DCK: variants seen among roughly 807,000 people sequenced by gnomAD.
DCK encodes the protein deoxyadenosine kinase.
A neutral mutation model predicts 38.3 loss-of-function variants in DCK; 23 were observed. The observed-to-expected ratio is 0.60, with a 90% CI of 0.43 to 0.85. DCK has a LOEUF of 0.85. Among genes scored for constraint, DCK ranks in the 40% least tolerant of loss-of-function variants. DCK has a pLI of 0.00. For missense variants in DCK, 259 were observed against 304.4 expected (o/e 0.85, Z 1.11); for synonymous variants, 108 against 100.6 (o/e 1.07, Z -0.44).
intron 2 of DCK, among the ~76,000 whole-genome samples, chr4:71,004,654 T>G (rs1177752521): frequency 6.6e-6 from 1 of 152,246 alleles, no homozygotes; most frequent in Non-Finnish European, 1.5e-5. Flanking sequence ...AGAGATGCCC[T>G]GCCCAGAGAG....
At chr4:71,002,656 A>G (rs1739836939) in intron 2 of DCK, among the ~76,000 whole-genome samples, 2 of 152,236 alleles carry the variant, frequency 1.3e-5, no homozygotes, top group East Asian at 1.9e-4. Flanking sequence ...TATTGGGTGC[A>G]TATCTATTTA....
At chr4:71,001,565 C>G (rs977819737) in intron 2 of DCK, among the ~76,000 whole-genome samples, 1 of 152,086 alleles carries the variant, frequency 6.6e-6, no homozygotes. Context: ...GGAATAGTAC[C>G]AGTTCCTCTT....
rs1300330673 is a variant in DCK, at chr4:71,030,535, A to G, written c.*1157A>G. On this transcript the variant is annotated 3_prime_UTR_variant, in exon 7 of 7. Coordinates refer to ENST00000286648, the MANE Select transcript of DCK (RefSeq NM_000788.3). ...ATCTTTGCAAAGGAGACTTAATTTCAAATCTGTAATTACCATACATAAACT... is the reference window on the plus strand; with the variant it reads ...ATCTTTGCAAAGGAGACTTAATTTCGAATCTGTAATTACCATACATAAACT... 4 of 152,168 alleles carry G rather than the reference A, an allele frequency of 2.6e-5. No individual in the cohort carries two copies. Among genetic ancestry groups the G allele is most frequent in the Non-Finnish European group, 4.4e-5 (3 of 67,994 alleles). 9.4% of individuals were successfully genotyped at this position (152,168 alleles called of 1,614,324 possible). A position where few individuals can be genotyped will look rare whatever the true frequency, so the allele number is the denominator to read the frequency against.
At chr4:71,021,232 C>T (rs985772776) in intron 2 of DCK, among the ~76,000 whole-genome samples, 39 of 151,446 alleles carry the variant, frequency 2.6e-4, no homozygotes, top group Non-Finnish European at 4.7e-4. Context: ...CCCGCCACCG[C>T]GCCCGGCTAA....
intron 6 of DCK, among the ~76,000 whole-genome samples, chr4:71,029,151 C>T (rs1160955222): frequency 6.6e-6 from 1 of 152,200 alleles, no homozygotes; most frequent in African/African-American, 2.4e-5. Flanking sequence ...ATCTCGGCCT[C>T]CCAAAATGCT....
intron 2 of DCK, among the ~76,000 whole-genome samples, chr4:71,012,109 T>A (rs1346247247): frequency 2.0e-5 from 3 of 152,206 alleles, no homozygotes; most frequent in Admixed American, 2.0e-4. Flanking sequence ...CCATAGATCT[T>A]ACTTGAAAGA....
chr4:71,027,520 G>A (rs926225701), intron 6 of DCK, among the ~76,000 whole-genome samples: 1 of 152,082 alleles, frequency 6.6e-6, no homozygotes, highest in Admixed American at 6.5e-5. Context: ...GTTGATAACT[G>A]AGTGATTAAG....
rs1001386670 is a variant in DCK at position 71,027,432 on chromosome 4, G to A, written c.756+677G>A. On this transcript the variant is annotated intron_variant, in intron 6 of 6. Coordinates refer to ENST00000286648, the MANE Select transcript of DCK (RefSeq NM_000788.3). Reference sequence around the variant, plus strand: ...TGAGTGGTGCCCATATTGATAAAGGGAATGGGTGAGAATTTATTGATGAAT... The same window carrying A: ...TGAGTGGTGCCCATATTGATAAAGGAAATGGGTGAGAATTTATTGATGAAT... 3.5e-4 allele frequency among the ~76,000 whole-genome samples: 54 copies of A among 152,206 alleles called. 1 individual carries two copies. The highest frequency in any genetic ancestry group is 1.2e-3 in the African/African-American group (50 of 41,552).
Position 70,998,016 on chromosome 4 carries a change from CT to C in DCK, c.92-44del, listed in dbSNP as rs147385366. 4,378 of 972,412 alleles carry C rather than the reference CT, an allele frequency of 4.5e-3. 130 individuals carry two copies. The African/African-American group carries it at 0.064, about 14-fold the overall frequency. The allele number at this position is 972,412 out of a possible 1,614,324, so 60.2% of individuals were successfully genotyped here. Reference sequence around the variant, plus strand: ...GCAAAAGCTAATGACTACTTGACATCTTTTTTTCCTGACAACTTTTCTTCCT... The same window carrying C: ...GCAAAAGCTAATGACTACTTGACATCTTTTTTCCTGACAACTTTTCTTCCT... On this transcript the variant is annotated intron_variant, in intron 1 of 6. Transcript: ENST00000286648.
chr4:71,024,236 G>C (rs534234984), intron 4 of DCK, among the ~76,000 whole-genome samples: 7 of 152,272 alleles, frequency 4.6e-5, no homozygotes, highest in Middle Eastern at 6.8e-3. Flanking sequence ...GATAATGGCA[G>C]CTATCGTTGG....
chr4:71,009,925 T>G (rs1004924253), intron 2 of DCK, among the ~76,000 whole-genome samples: 1 of 152,194 alleles, frequency 6.6e-6, no homozygotes, highest in African/African-American at 2.4e-5. Flanking sequence ...CTTGATCTAT[T>G]CCTTGAGGTT....
Position 70,996,886 on chromosome 4 carries a change from T to A in DCK, c.92-1181T>A, listed in dbSNP as rs66696914. Among the ~76,000 whole-genome samples the A allele has an allele frequency of 3.6e-3, 549 of 152,346 alleles. 5 individuals are homozygous for A. Among genetic ancestry groups the A allele is most frequent in the African/African-American group, 0.013 (531 of 41,574 alleles). On this transcript the variant is annotated intron_variant, in intron 1 of 6. Transcript: ENST00000286648. ...TAGGAATTCTGTTAGTTTCCATGACTTTTTAAAGTATTAACATCAGTGTCT... is the reference window on the plus strand; with the variant it reads ...TAGGAATTCTGTTAGTTTCCATGACATTTTAAAGTATTAACATCAGTGTCT...
chr4:71,021,073 T>C (rs1740403852), intron 2 of DCK, among the ~76,000 whole-genome samples: 2 of 146,460 alleles, frequency 1.4e-5, no homozygotes, highest in Admixed American at 6.8e-5. Flanking sequence ...TTTCTTTTTT[T>C]TTTTTTTTTT....
At chr4:71,000,713 G>A (rs948269049) in intron 2 of DCK, among the ~76,000 whole-genome samples, 1 of 152,160 alleles carries the variant, frequency 6.6e-6, no homozygotes, top group Non-Finnish European at 1.5e-5. Flanking sequence ...GTGGTTTGTA[G>A]TTCTCCTTGA....
intron 2 of DCK, among the ~76,000 whole-genome samples, chr4:71,006,115 C>A (rs1237208095): frequency 7.4e-4 from 54 of 73,024 alleles, no homozygotes; most frequent in African/African-American, 3.2e-3. Context: ...AAAAAAAAAA[C>A]AGAAAAAACA....
intron 1 of DCK, 136 bp from the exon 2 acceptor site, chr4:70,997,931 G>A (rs1335084878): frequency 4.2e-6 from 2 of 475,796 alleles, no homozygotes; most frequent in Non-Finnish European, 7.6e-6. Context: ...GAAATATGAA[G>A]AGAAAGTTTA....
Position 70,993,797 on chromosome 4 carries a change from C to T in DCK, c.-39C>T, listed in dbSNP as rs1490474594. 6.6e-7 allele frequency: 1 copy of T among 1,510,254 alleles called. No individual in the cohort carries two copies. Among genetic ancestry groups the T allele is most frequent in the South Asian group, 1.1e-5 (1 of 87,206 alleles). 93.6% of individuals were successfully genotyped at this position (1,510,254 alleles called of 1,614,324 possible). A position where few individuals can be genotyped will look rare whatever the true frequency, so the allele number is the denominator to read the frequency against. ...GCACCCGTGGCCGCCTCCCAGCCCT[C>T]TTTGCCGGACGAGCTCTGGGCCGCC... On this transcript the variant is annotated 5_prime_UTR_variant, in exon 1 of 7. Transcript: ENST00000286648.
At chr4:71,015,194 A>C (rs1281397957) in intron 2 of DCK, among the ~76,000 whole-genome samples, 1 of 152,224 alleles carries the variant, frequency 6.6e-6, no homozygotes, top group African/African-American at 2.4e-5. Flanking sequence ...AGAAATGGAT[A>C]AATTCCTGGA....
At position 71,026,024 on chromosome 4, in the gene DCK, T is replaced by C. The variant is rs1180526834; in HGVS notation, c.665+93T>C. 4 of 1,374,950 alleles carry C rather than the reference T, an allele frequency of 2.9e-6. No individual in the cohort carries two copies. In the East Asian group the frequency reaches 8.0e-5, roughly 27 times the overall value. The allele number at this position is 1,374,950 out of a possible 1,614,324, so 85.2% of individuals were successfully genotyped here. A position where few individuals can be genotyped will look rare whatever the true frequency, so the allele number is the denominator to read the frequency against. On this transcript the variant is annotated intron_variant, in intron 5 of 6. Coordinates refer to ENST00000286648, the MANE Select transcript of DCK (RefSeq NM_000788.3). ...AATTTGGAAGATATGACTAGCAATATGTAAAATTTCCAGTCGTTTTGCTTA... is the reference window on the plus strand; with the variant it reads ...AATTTGGAAGATATGACTAGCAATACGTAAAATTTCCAGTCGTTTTGCTTA...
Sources: allele counts gnomAD v4.1 joint callset (sites outside exome capture counted in the v4.1 genomes callset), GRCh38; gene constraint gnomAD v4.1.1; transcripts MANE v1.5; gene names NCBI Gene and HGNC (gene_info 2026-07-23, HGNC 2026-07-21).